Variants in NAALADL2 observed in about 807,000 individuals in gnomAD.
NAALADL2 encodes inactive N-acetylated-alpha-linked acidic dipeptidase-like protein 2.
Under a neutral mutation model 87.2 loss-of-function variants are expected in NAALADL2, and 76 were observed. The ratio of observed to expected loss-of-function variants is 0.87; its 90% confidence interval spans 0.72 to 1.05. The LOEUF (loss-of-function observed/expected upper bound fraction) is 1.05. Ranked by LOEUF, NAALADL2 falls within the 50% of genes least tolerant of loss-of-function variation. The probability of loss-of-function intolerance (pLI) is 0.00; values close to 1 mark genes in which losing one functional copy is unlikely to be tolerated. For synonymous variants in NAALADL2, 354 were observed against 331.0 expected (o/e 1.07, Z -0.75); for missense variants, 1,089 against 945.8 (o/e 1.15, Z -1.99).
intron 13 of NAALADL2, among the ~76,000 whole-genome samples, chr3:175,758,537 A>G (rs1433734136): frequency 2.6e-5 from 4 of 152,002 alleles, no homozygotes; most frequent in African/African-American, 4.8e-5. Context: ...CTAAGAAATC[A>G]TCCTACTTCA....
At chr3:175,190,888 G>GAATGGCGTGAACCCGGGAGGCGGAGC (rs1738070533) in intron 2 of NAALADL2, among the ~76,000 whole-genome samples, 1 of 149,806 alleles carries the variant, frequency 6.7e-6, no homozygotes, top group South Asian at 2.1e-4. Context: ...TGAGGCAGGA[G>GAATGGCGTGAACCCGGGAGGCGGAGC]AATGGCGTGA....
chr3:175,163,989 T>C (rs2108861526), intron 2 of NAALADL2, among the ~76,000 whole-genome samples: 1 of 152,334 alleles, frequency 6.6e-6, no homozygotes. Context: ...CTAGTTGTAT[T>C]GAAGTTCATA....
At chr3:175,264,820 A>G (rs1461650778) in intron 4 of NAALADL2, among the ~76,000 whole-genome samples, 1 of 151,636 alleles carries the variant, frequency 6.6e-6, no homozygotes, top group Non-Finnish European at 1.5e-5. Flanking sequence ...CAATATTTTT[A>G]AAAATTAGAA....
chr3:174,698,842 T>A lies in NAALADL2; in HGVS notation c.-114-38799T>A, dbSNP rs373331516. Among the ~76,000 whole-genome samples, 65 of 132,336 alleles carry A rather than the reference T, an allele frequency of 4.9e-4. 7 individuals are homozygous for A. Among genetic ancestry groups the A allele is most frequent in the Non-Finnish European group, 7.4e-4 (49 of 66,366 alleles). The allele number at this position is 132,336 out of a possible 152,430, so 86.8% of individuals were successfully genotyped here. A position where few individuals can be genotyped will look rare whatever the true frequency, so the allele number is the denominator to read the frequency against. ...TCCCGCCACTGCACTCCAGCCTGGG[T>A]GACAGAGCGAGACTCCGTCTCAAAG... is the stretch of plus-strand genomic sequence containing the variant. On this transcript the variant is annotated intron_variant, in intron 2 of 3. Transcript: ENST00000434257.
At chr3:175,215,865 G>C (rs1742440404) in intron 2 of NAALADL2, among the ~76,000 whole-genome samples, 1 of 152,126 alleles carries the variant, frequency 6.6e-6, no homozygotes, top group Non-Finnish European at 1.5e-5. Flanking sequence ...GAATGGATGG[G>C]TCTAGTCAGA....
At chr3:175,414,151 G>A (rs2149099765) in intron 5 of NAALADL2, among the ~76,000 whole-genome samples, 1 of 152,312 alleles carries the variant, frequency 6.6e-6, no homozygotes, top group Non-Finnish European at 1.5e-5. Flanking sequence ...TTGCTTTGTG[G>A]GAAAGACACG....
intron 1 of NAALADL2, among the ~76,000 whole-genome samples, chr3:175,048,628 G>GATTGAAT (rs1222258997): frequency 1.3e-5 from 2 of 151,700 alleles, no homozygotes; most frequent in Non-Finnish European, 2.9e-5. Context: ...GCATCATTTG[G>GATTGAAT]TTTACTTATA....
At chr3:174,449,639 T>C (rs1338258021) in intron 1 of NAALADL2, among the ~76,000 whole-genome samples, 1 of 152,224 alleles carries the variant, frequency 6.6e-6, no homozygotes, top group Non-Finnish European at 1.5e-5. Flanking sequence ...TTACAAGATA[T>C]CTTTAGGTTT....
chr3:175,490,964 T>A (rs1193633468), intron 9 of NAALADL2, among the ~76,000 whole-genome samples: 1 of 152,124 alleles, frequency 6.6e-6, no homozygotes, highest in Non-Finnish European at 1.5e-5. Flanking sequence ...ATAATGACTA[T>A]ATCTTATAGC....
chr3:175,512,326 A>G (rs80353924), intron 9 of NAALADL2, among the ~76,000 whole-genome samples: 296 of 152,264 alleles, frequency 1.9e-3, no homozygotes, highest in Non-Finnish European at 3.3e-3. Flanking sequence ...TTAAATGTGA[A>G]TGATCCTGGA....
chr3:174,869,610 A>C (rs762786569), intron 1 of NAALADL2, among the ~76,000 whole-genome samples: 4 of 152,106 alleles, frequency 2.6e-5, no homozygotes, highest in Non-Finnish European at 5.9e-5. Flanking sequence ...TATTTGGCTA[A>C]GAGTCAAGAT....
chr3:175,104,254 G>A (rs1722719968), intron 2 of NAALADL2, among the ~76,000 whole-genome samples: 1 of 152,138 alleles, frequency 6.6e-6, no homozygotes, highest in African/African-American at 2.4e-5. Context: ...AATGAGGGAG[G>A]CGAGGTAGTC....
chr3:175,296,140 A>T (rs1286767411), intron 4 of NAALADL2, among the ~76,000 whole-genome samples: 3 of 37,064 alleles, frequency 8.1e-5, no homozygotes, highest in Non-Finnish European at 3.2e-4. Flanking sequence ...ACTTCTCTGT[A>T]TTCCTTAAAT....
At chr3:174,540,977 G>A (rs752064895) in intron 1 of NAALADL2, among the ~76,000 whole-genome samples, 3 of 152,060 alleles carry the variant, frequency 2.0e-5, no homozygotes, top group South Asian at 2.1e-4. Flanking sequence ...GAATTAAAAC[G>A]CTCCTCAAAA....
intron 1 of NAALADL2, among the ~76,000 whole-genome samples, chr3:175,000,906 C>T (rs1283651688): frequency 6.6e-6 from 1 of 152,134 alleles, no homozygotes; most frequent in Non-Finnish European, 1.5e-5. Flanking sequence ...TTGAAGACTG[C>T]ACAGCTAGCA....
intron 3 of NAALADL2, among the ~76,000 whole-genome samples, chr3:174,852,256 G>A (rs974308388): frequency 1.5e-4 from 23 of 152,106 alleles, no homozygotes; most frequent in African/African-American, 5.1e-4. Context: ...AAAGGCATCC[G>A]AATTGGAAAG....
At chr3:175,365,092 A>T (rs944938783) in intron 5 of NAALADL2, among the ~76,000 whole-genome samples, 2 of 147,324 alleles carry the variant, frequency 1.4e-5, no homozygotes, top group African/African-American at 4.9e-5. Flanking sequence ...AATTTATTCT[A>T]TGCCAATTGG....
At position 175,634,871 on chromosome 3, in the gene NAALADL2, C is replaced by T. The variant is rs1305340808; in HGVS notation, c.1896+7485C>T. On this transcript the variant is annotated intron_variant, in intron 11 of 13. Coordinates refer to ENST00000454872, the MANE Select transcript of NAALADL2 (RefSeq NM_207015.3). ...CAAATTATTGTTACTAGATGCAAGA[C>T]GTCTCCATAGAGATTTGTACTCTTA... 5.9e-5 allele frequency among the ~76,000 whole-genome samples: 9 copies of T among 151,856 alleles called. No homozygotes were observed. The South Asian group carries it at 1.5e-3, about 25-fold the overall frequency.
chr3:175,403,244 A>G (rs1560496718), intron 5 of NAALADL2, among the ~76,000 whole-genome samples: 1 of 151,878 alleles, frequency 6.6e-6, no homozygotes, highest in Non-Finnish European at 1.5e-5. Flanking sequence ...TCCTGTCTGA[A>G]CTTTATTAGA....
Sources: allele counts gnomAD v4.1 joint callset (sites outside exome capture counted in the v4.1 genomes callset), GRCh38; gene constraint gnomAD v4.1.1; transcripts MANE v1.5; gene names NCBI Gene and HGNC (gene_info 2026-07-23, HGNC 2026-07-21).